The following JMJD1C variants were observed in gnomAD, a reference collection of about 807,000 sequenced individuals.
The protein encoded by JMJD1C is jumonji domain containing 1C.
Under a neutral mutation model 245.3 loss-of-function variants are expected in JMJD1C, and 31 were observed. The ratio of observed to expected loss-of-function variants is 0.13; its 90% CI spans 0.09 to 0.17. JMJD1C has a LOEUF of 0.17. Among genes scored for constraint, JMJD1C ranks in the 10% least tolerant of loss-of-function variants. JMJD1C has a pLI of 1.00. For synonymous variants in JMJD1C, 1,057 were observed against 1,017.4 expected (o/e 1.04, Z -0.74); for missense variants, 2,691 against 3,000.2 (o/e 0.90, Z 2.41).
At chr10:63,223,132 C>CA (rs57849390) in intron 3 of JMJD1C, 156,691 of 408,768 alleles carry the variant, frequency 0.38, 16,471 homozygotes, top group African/African-American at 0.58. Flanking sequence ...AAATTATCTG[C>CA]AAAAAAAAAA....
rs1942892731 is a variant in JMJD1C at position 63,337,558 on chromosome 10, G to T, written c.333+42760C>A. On this transcript the variant is annotated intron_variant, in intron 2 of 25. Transcript: ENST00000399262. ...GGGAGGGGAGGAGAGGACAAGAAAAGAAAAGAAAAGAAAAGAAAAGAAAAG... is the reference window on the plus strand; with the variant it reads ...GGGAGGGGAGGAGAGGACAAGAAAATAAAAGAAAAGAAAAGAAAAGAAAAG... 9.4e-5 allele frequency among the ~76,000 whole-genome samples: 2 copies of T among 21,330 alleles called. 1 individual carries two copies. The highest frequency in any genetic ancestry group is 1.6e-3 in the Admixed American group (2 of 1,280). The allele number at this position is 21,330 out of a possible 152,430, so 14.0% of individuals were successfully genotyped here.
intron 1 of JMJD1C, among the ~76,000 whole-genome samples, chr10:63,440,026 T>C (rs138742048): frequency 6.6e-5 from 10 of 152,250 alleles, no homozygotes; most frequent in South Asian, 6.2e-4. Flanking sequence ...CTGAGAAACA[T>C]AGGCACATTA....
In JMJD1C at chr10:63,428,136, TGAGAG is replaced by T. The variant is rs1392414542; in HGVS notation, c.168+37354_168+37358del. Among the ~76,000 whole-genome samples the T allele has an allele frequency of 2.0e-5, 3 of 152,266 alleles. No homozygotes were observed. The East Asian group carries it at 5.8e-4, about 29-fold the overall frequency. On this transcript the variant is annotated intron_variant, in intron 1 of 25. Coordinates refer to ENST00000399262, the MANE Select transcript of JMJD1C (RefSeq NM_032776.3). Reference sequence around the variant, plus strand: ...CATAGATTTTATGAAGGAATTCATATGAGAGGAGGGGACTAAAAAAACAAGTCACC... The same window carrying T: ...CATAGATTTTATGAAGGAATTCATATGAGGGGACTAAAAAAACAAGTCACC...
intron 24 of JMJD1C, among the ~76,000 whole-genome samples, chr10:63,173,694 C>G (rs1361912400): frequency 3.3e-5 from 5 of 151,790 alleles, no homozygotes; most frequent in Non-Finnish European, 5.9e-5. Flanking sequence ...TGCACTCTAA[C>G]CTGGGCAACA....
Position 63,176,287 on chromosome 10 carries a change from T to C in JMJD1C, c.7401+10A>G. 1 of 1,565,748 alleles carries C rather than the reference T, an allele frequency of 6.4e-7. No individual in the cohort carries two copies. Among genetic ancestry groups the C allele is most frequent in the Non-Finnish European group, 8.7e-7 (1 of 1,153,282 alleles). Reference sequence around the variant, plus strand: ...AGTAAAAAATATGTTAGAAATAAGTTTGTATATACCTGATGAAGTGCTCCC... The same window carrying C: ...AGTAAAAAATATGTTAGAAATAAGTCTGTATATACCTGATGAAGTGCTCCC... On this transcript the variant is annotated intron_variant, in intron 24 of 25. Transcript: ENST00000399262.
intron 2 of JMJD1C, among the ~76,000 whole-genome samples, chr10:63,308,878 T>C (rs527797734): frequency 3.4e-4 from 51 of 149,714 alleles, no homozygotes; most frequent in African/African-American, 1.2e-3. Context: ...CAGATAAAAA[T>C]AGACACACAT....
At chr10:63,318,603 T>C (rs1488755737) in intron 2 of JMJD1C, among the ~76,000 whole-genome samples, 3 of 152,158 alleles carry the variant, frequency 2.0e-5, no homozygotes, top group Non-Finnish European at 4.4e-5. Flanking sequence ...GATAATAACA[T>C]GTCCAGAACT....
intron 24 of JMJD1C, among the ~76,000 whole-genome samples, chr10:63,176,075 T>C (rs1454132354): frequency 6.6e-6 from 1 of 152,180 alleles, no homozygotes; most frequent in Non-Finnish European, 1.5e-5. Flanking sequence ...GGAGACAGTA[T>C]ACAAATAGAA....
intron 2 of JMJD1C, among the ~76,000 whole-genome samples, chr10:63,330,613 C>T (rs1942039242): frequency 6.6e-6 from 1 of 152,080 alleles, no homozygotes; most frequent in Admixed American, 6.6e-5. Context: ...GAAGTTCCTA[C>T]TCTCCTATTA....
At chr10:63,519,218 C>G (rs1358071796) in intron 1 of JMJD1C, among the ~76,000 whole-genome samples, 1 of 151,908 alleles carries the variant, frequency 6.6e-6, no homozygotes, top group Admixed American at 6.5e-5. Context: ...ACTTAACGCA[C>G]AGCAGTCTAG....
At chr10:63,420,130 G>A (rs1202682835) in intron 1 of JMJD1C, among the ~76,000 whole-genome samples, 1 of 144,922 alleles carries the variant, frequency 6.9e-6, no homozygotes, top group African/African-American at 2.5e-5. Context: ...AGGAGACGCT[G>A]TCTCAAAAAA....
chr10:63,245,818 G>A (rs1380785537), intron 3 of JMJD1C, among the ~76,000 whole-genome samples: 1 of 152,116 alleles, frequency 6.6e-6, no homozygotes, highest in African/African-American at 2.4e-5. Flanking sequence ...GATCTCGTGA[G>A]ACTTATTCAC....
intron 16 of JMJD1C, among the ~76,000 whole-genome samples, chr10:63,191,639 C>T (rs1344656162): frequency 2.0e-5 from 3 of 152,060 alleles, no homozygotes; most frequent in African/African-American, 7.2e-5. Flanking sequence ...ATATTTAAGA[C>T]ATGTTTACAC....
intron 3 of JMJD1C, among the ~76,000 whole-genome samples, chr10:63,221,901 T>C (rs555286393): frequency 6.6e-6 from 1 of 152,152 alleles, no homozygotes; most frequent in Non-Finnish European, 1.5e-5. Flanking sequence ...TTTGTATTTT[T>C]AGTAGAGATG....
At position 63,331,746 on chromosome 10, in the gene JMJD1C, G is replaced by A. The variant is rs550580584; in HGVS notation, c.333+48572C>T. Among the ~76,000 whole-genome samples the A allele has an allele frequency of 1.7e-4, 26 of 152,218 alleles. No homozygotes were observed. The South Asian group carries it at 2.7e-3, about 16-fold the overall frequency. On this transcript the variant is annotated intron_variant, in intron 2 of 25. Coordinates refer to ENST00000399262, the MANE Select transcript of JMJD1C (RefSeq NM_032776.3). ...TCATGCCTCAGCCTCCCAAGAAGCTGGGACCACACCACAGGCATGTGCCAC... is the reference window on the plus strand; with the variant it reads ...TCATGCCTCAGCCTCCCAAGAAGCTAGGACCACACCACAGGCATGTGCCAC...
chr10:63,425,555 G>T (rs898572112), intron 1 of JMJD1C, among the ~76,000 whole-genome samples: 1 of 151,972 alleles, frequency 6.6e-6, no homozygotes, highest in African/African-American at 2.4e-5. Flanking sequence ...GCCAAGACAG[G>T]CAGATCGCTT....
intron 1 of JMJD1C, among the ~76,000 whole-genome samples, chr10:63,457,347 A>G (rs2133063443): frequency 6.6e-6 from 1 of 152,324 alleles, no homozygotes; most frequent in Admixed American, 6.5e-5. Context: ...TCACATGAAG[A>G]TAATAAATTA....
In JMJD1C at chr10:63,398,197, C is replaced by G. The variant is rs557919721; in HGVS notation, c.169-17715G>C. Among the ~76,000 whole-genome samples the G allele has an allele frequency of 3.9e-5, 6 of 152,208 alleles. No individual in the cohort carries two copies. In the South Asian group the frequency reaches 1.2e-3, roughly 32 times the overall value. On this transcript the variant is annotated intron_variant, in intron 1 of 25. Coordinates refer to ENST00000399262, the MANE Select transcript of JMJD1C (RefSeq NM_032776.3). The stretch of plus-strand genomic sequence containing the variant: ...TTTTACAGTTTGTTCAAGTTAAGAT[C>G]TAAATAAGGTCCACATATTGCAACT...
At chr10:63,290,503 G>C (rs1858528687) in intron 2 of JMJD1C, among the ~76,000 whole-genome samples, 1 of 152,182 alleles carries the variant, frequency 6.6e-6, no homozygotes, top group South Asian at 2.1e-4. Flanking sequence ...GGAGGTTGCA[G>C]TGAGCCAAGA....
Sources: gnomAD v4.1 joint callset for allele counts (sites outside exome capture counted in the v4.1 genomes callset) on GRCh38, gnomAD v4.1.1 for gene constraint, MANE v1.5 for transcripts, NCBI Gene and HGNC (gene_info 2026-07-23, HGNC 2026-07-21) for gene names.